The following CPPED1 variants were observed in gnomAD, a reference collection of about 807,000 sequenced individuals.
CPPED1 encodes calcineurin like phosphoesterase domain containing 1, also known as serine/threonine-protein phosphatase CPPED1.
A neutral mutation model predicts 28.0 loss-of-function variants in CPPED1; 28 were observed. The observed-to-expected ratio is 1.00, with a 90% CI of 0.74 to 1.37. CPPED1 has a LOEUF of 1.37. CPPED1 is among the 40% of genes most tolerant of loss of function. The pLI, the probability that CPPED1 is intolerant of heterozygous loss-of-function variation, is 0.00. For synonymous variants in CPPED1, 198 were observed against 180.2 expected (o/e 1.10, Z -0.79); for missense variants, 504 against 416.5 (o/e 1.21, Z -1.83).
rs1048871413 is a variant in CPPED1 at position 12,764,580 on chromosome 16, C to A, written c.289+16605G>T. Reference sequence around the variant, plus strand: ...GTCTCAAACTCCTGACCTAAGTGATCCTTCTGCCTCAGCCTCCCAAAGTGC... The same window carrying A: ...GTCTCAAACTCCTGACCTAAGTGATACTTCTGCCTCAGCCTCCCAAAGTGC... On this transcript the variant is annotated intron_variant, in intron 2 of 3. Coordinates refer to ENST00000381774, the MANE Select transcript of CPPED1 (RefSeq NM_018340.3). Among the ~76,000 whole-genome samples, 83 of 152,038 alleles carry A rather than the reference C, an allele frequency of 5.5e-4. 6 individuals are homozygous for A. Among genetic ancestry groups the A allele is most frequent in the Non-Finnish European group, 1.5e-4 (10 of 68,004 alleles).
At chr16:12,730,461 G>C (rs1345878700) in intron 2 of CPPED1, among the ~76,000 whole-genome samples, 2 of 152,084 alleles carry the variant, frequency 1.3e-5, no homozygotes, top group Admixed American at 1.3e-4. Context: ...GAGAAATGAG[G>C]GTGTTGGTCT....
At chr16:12,694,795 G>C (rs992749398) in intron 3 of CPPED1, among the ~76,000 whole-genome samples, 1 of 130,122 alleles carries the variant, frequency 7.7e-6, no homozygotes, top group African/African-American at 3.0e-5. Flanking sequence ...TTTTTTTTTT[G>C]AGATGGAGTT....
chr16:12,762,227 C>T (rs1343538585), intron 2 of CPPED1, among the ~76,000 whole-genome samples: 3 of 152,182 alleles, frequency 2.0e-5, no homozygotes, highest in African/African-American at 7.2e-5. Context: ...AATACTCTCT[C>T]ATTTATTTTT....
intron 2 of CPPED1, among the ~76,000 whole-genome samples, chr16:12,740,258 C>A (rs148555463): frequency 0.048 from 7,330 of 151,792 alleles, 611 homozygotes; most frequent in African/African-American, 0.17. Flanking sequence ...CCAGCCTGGC[C>A]AACATGGTGA....
At chr16:12,697,235 G>C (rs1200184831) in intron 3 of CPPED1, among the ~76,000 whole-genome samples, 1 of 152,058 alleles carries the variant, frequency 6.6e-6, no homozygotes, top group African/African-American at 2.4e-5. Context: ...ATGTTGGCCA[G>C]GCTGGTCTCG....
intron 2 of CPPED1, among the ~76,000 whole-genome samples, chr16:12,754,157 C>T (rs531209147): frequency 1.8e-4 from 28 of 152,268 alleles, no homozygotes; most frequent in Admixed American, 1.4e-3. Context: ...GGGGCACACT[C>T]GGGTTCACTG....
At chr16:12,696,232 A>G (rs1486231432) in intron 3 of CPPED1, among the ~76,000 whole-genome samples, 1 of 152,104 alleles carries the variant, frequency 6.6e-6, no homozygotes, top group East Asian at 1.9e-4. Context: ...CATGTCCCCA[A>G]ACCAGGTCCG....
intron 3 of CPPED1, among the ~76,000 whole-genome samples, chr16:12,690,739 C>T (rs942755342): frequency 1.9e-4 from 28 of 151,004 alleles, no homozygotes; most frequent in African/African-American, 5.9e-4. Context: ...TCAAGATGAA[C>T]GGATGAACGG....
chr16:12,719,977 C>T (rs1023336231), intron 2 of CPPED1, among the ~76,000 whole-genome samples: 4 of 151,908 alleles, frequency 2.6e-5, no homozygotes, highest in Admixed American at 2.0e-4. Context: ...AATACGTGTA[C>T]GTTAATTATA....
chr16:12,728,156 C>T (rs1394404316), intron 2 of CPPED1, among the ~76,000 whole-genome samples: 2 of 152,108 alleles, frequency 1.3e-5, no homozygotes, highest in Non-Finnish European at 1.5e-5. Context: ...CAAAATTGCT[C>T]TTATCAGCAA....
rs2079813129 is a variant in CPPED1 at position 12,664,388 on chromosome 16, G to A, written c.*498C>T. ...AAGTCTGCATGGCTCTCACAACAAG[G>A]GAGACAGCTGTTCGTTCCGCTGGAA... On this transcript the variant is annotated 3_prime_UTR_variant, in exon 4 of 4. Transcript: ENST00000381774. This position sits in a 1 kb window ranked among gnomAD's most constrained non-coding sequence, Gnocchi z 4.2. 2.0e-6 allele frequency: 2 copies of A among 1,004,376 alleles called. No homozygotes were observed. Among genetic ancestry groups the A allele is most frequent in the South Asian group, 4.2e-5 (1 of 23,782 alleles). 62.2% of individuals were successfully genotyped at this position (1,004,376 alleles called of 1,614,324 possible).
intron 2 of CPPED1, among the ~76,000 whole-genome samples, chr16:12,736,991 A>G (rs763454555): frequency 1.3e-5 from 2 of 152,026 alleles, no homozygotes; most frequent in African/African-American, 2.4e-5. Flanking sequence ...GGAGTTTCAG[A>G]CCAGCCTGGC....
intron 2 of CPPED1, among the ~76,000 whole-genome samples, chr16:12,767,285 G>A (rs1445763555): frequency 6.6e-6 from 1 of 152,176 alleles, no homozygotes; most frequent in Non-Finnish European, 1.5e-5. Flanking sequence ...AGACGTCTCA[G>A]CTCAAACAGG....
At chr16:12,714,618 C>A (rs1022980040) in intron 2 of CPPED1, among the ~76,000 whole-genome samples, 2 of 152,126 alleles carry the variant, frequency 1.3e-5, no homozygotes, top group Admixed American at 1.3e-4. Flanking sequence ...ATACTTTGCC[C>A]ATTTTTCAGT....
At chr16:12,675,427 T>C (rs750584584) in intron 3 of CPPED1, among the ~76,000 whole-genome samples, 9 of 152,234 alleles carry the variant, frequency 5.9e-5, no homozygotes, top group Admixed American at 4.6e-4. Flanking sequence ...ATGTTTTTTT[T>C]CTCCACGGTA....
chr16:12,712,558 A>T (rs1445749657), intron 2 of CPPED1, among the ~76,000 whole-genome samples: 1 of 152,220 alleles, frequency 6.6e-6, no homozygotes, highest in Non-Finnish European at 1.5e-5. Context: ...TTTATTAATA[A>T]GGAATAGATA....
intron 1 of CPPED1, among the ~76,000 whole-genome samples, chr16:12,783,010 T>C (rs943991016): frequency 2.6e-5 from 4 of 152,184 alleles, no homozygotes; most frequent in African/African-American, 7.2e-5. Flanking sequence ...CATTTGTCTA[T>C]TGAGTATCAT....
At chr16:12,783,830 G>T (rs2080546899) in intron 1 of CPPED1, among the ~76,000 whole-genome samples, 1 of 152,140 alleles carries the variant, frequency 6.6e-6, no homozygotes, top group Admixed American at 6.5e-5. Flanking sequence ...AATTACAATG[G>T]GCCAGAAGTC....
At chr16:12,750,148 C>G (rs1390212814) in intron 2 of CPPED1, among the ~76,000 whole-genome samples, 1 of 152,196 alleles carries the variant, frequency 6.6e-6, no homozygotes, top group Non-Finnish European at 1.5e-5. Context: ...TTCTCCATAT[C>G]AGCAATAAGG....
Sources: gnomAD v4.1 joint callset for allele counts (sites outside exome capture counted in the v4.1 genomes callset) on GRCh38, gnomAD v4.1.1 for gene constraint, Gnocchi (gnomAD v3.1) non-coding constraint, MANE v1.5 for transcripts, NCBI Gene and HGNC (gene_info 2026-07-23, HGNC 2026-07-21) for gene names.